The following RTP2 variants were observed in gnomAD, a reference collection of about 807,000 sequenced individuals.
RTP2 encodes receptor transporter protein 2, also known as receptor-transporting protein 2.
In RTP2, 12 loss-of-function variants were observed where a neutral mutation model predicts 17.9. The ratio of observed to expected loss-of-function variants is 0.67; its 90% confidence interval spans 0.43 to 1.09. The LOEUF is 1.09. Ranked by LOEUF, RTP2 falls within the 50% of genes least tolerant of loss-of-function variation. The probability of loss-of-function intolerance (pLI) is 0.00; values close to 1 mark genes in which losing one functional copy is unlikely to be tolerated. For synonymous variants in RTP2, 126 were observed against 117.7 expected, an observed-to-expected ratio of 1.07 and a Z score of -0.46; for missense variants, 327 against 295.7, an observed-to-expected ratio of 1.11 and a Z score of -0.78.
chr3:187,704,205 G>A (rs961344040), upstream of RTP2, among the ~76,000 whole-genome samples: 2 of 152,148 alleles, frequency 1.3e-5, no homozygotes, highest in Non-Finnish European at 2.9e-5. Context: ...AAACAAATCA[G>A]CAAGGGGGAG....
exon 2 of RTP2, chr3:187,698,868 C>G (rs757399958): frequency 3.7e-6 from 6 of 1,613,000 alleles, no homozygotes; most frequent in Non-Finnish European, 5.1e-6. Context: ...CTCGTCCAGC[C>G]GCGCCGTGCC....
At chr3:187,714,266 C>A in the RTP2 span, among the ~76,000 whole-genome samples, 105 of 152,300 alleles carry the variant, frequency 6.9e-4, no homozygotes, top group African/African-American at 2.5e-3. Context: ...AGGAATTGGC[C>A]TCTTTTGCCC....
At chr3:187,706,803 A>T (rs968861150), upstream of RTP2, among the ~76,000 whole-genome samples, 1 of 152,112 alleles carries the variant, frequency 6.6e-6, no homozygotes, top group African/African-American at 2.4e-5. Context: ...GGGTTTCACC[A>T]TGTTGGCCAG....
chr3:187,707,620 G>C, the RTP2 span, among the ~76,000 whole-genome samples: 3 of 152,202 alleles, frequency 2.0e-5, no homozygotes, highest in African/African-American at 7.2e-5. Flanking sequence ...AGGCCTGAAA[G>C]ATACATGGGA....
chr3:187,698,746 G>A (rs778642249), exon 2 of RTP2: 97 of 1,613,850 alleles, frequency 6.0e-5, no homozygotes, highest in Non-Finnish European at 7.9e-5. Context: ...CTGTCCGGGC[G>A]GCTGGCCACG....
upstream of RTP2, among the ~76,000 whole-genome samples, chr3:187,704,705 C>G (rs552822257): frequency 2.6e-5 from 4 of 152,152 alleles, no homozygotes; most frequent in African/African-American, 9.7e-5. Flanking sequence ...TGCTATAGGG[C>G]GAATCCAAGA....
chr3:187,711,185 C>G, the RTP2 span, among the ~76,000 whole-genome samples: 2 of 152,020 alleles, frequency 1.3e-5, no homozygotes, highest in East Asian at 3.9e-4. Flanking sequence ...GGGTGGTGTC[C>G]AGGGGTGTCT....
At chr3:187,705,274 G>A (rs1168275698), upstream of RTP2, among the ~76,000 whole-genome samples, 2 of 152,098 alleles carry the variant, frequency 1.3e-5, no homozygotes, top group Non-Finnish European at 2.9e-5. Context: ...GAGGCTGAGG[G>A]CCTTCATCAG....
the RTP2 span, among the ~76,000 whole-genome samples, chr3:187,714,594 G>A: frequency 2.0e-5 from 3 of 152,180 alleles, no homozygotes; most frequent in South Asian, 2.1e-4. Context: ...GCCACCTTGT[G>A]GCTATTTGCT....
the RTP2 span, among the ~76,000 whole-genome samples, chr3:187,710,222 G>A: frequency 3.3e-5 from 5 of 151,974 alleles, no homozygotes; most frequent in Non-Finnish European, 7.4e-5. Context: ...GACTCAGGCT[G>A]GAATCTACAA....
the RTP2 span, among the ~76,000 whole-genome samples, chr3:187,711,759 T>G: frequency 6.6e-6 from 1 of 152,206 alleles, no homozygotes; most frequent in Non-Finnish European, 1.5e-5. Flanking sequence ...TTTCCACATC[T>G]GTAAAGTAAG....
chr3:187,710,376 C>CATATATATATATAT, the RTP2 span, among the ~76,000 whole-genome samples: 3 of 142,966 alleles, frequency 2.1e-5, no homozygotes, highest in African/African-American at 7.7e-5. Flanking sequence ...CCTAAATATC[C>CATATATATATATAT]ATATATATAT....
the RTP2 span, chr3:187,715,573 A>G: frequency 4.4e-6 from 2 of 451,390 alleles, no homozygotes; most frequent in Non-Finnish European, 4.5e-6. Context: ...CCTAGTCCTT[A>G]TAGAATTTCT....
upstream of RTP2, among the ~76,000 whole-genome samples, chr3:187,706,009 G>A (rs1259953687): frequency 6.6e-6 from 1 of 152,166 alleles, no homozygotes; most frequent in Non-Finnish European, 1.5e-5. Flanking sequence ...CTCTGACATT[G>A]GAACCAGAAG....
upstream of RTP2, among the ~76,000 whole-genome samples, chr3:187,707,473 A>G (rs1156979497): frequency 2.0e-5 from 3 of 152,320 alleles, no homozygotes; most frequent in Non-Finnish European, 4.4e-5. Context: ...TTAAATAAAA[A>G]AAATGTTAAA....
At chr3:187,715,508 T>C in the RTP2 span, 9 of 338,506 alleles carry the variant, frequency 2.7e-5, no homozygotes, top group Non-Finnish European at 5.9e-6. Flanking sequence ...TAGGAAATCA[T>C]GGTAGTATTA....
the RTP2 span, chr3:187,715,624 T>A: frequency 2.2e-6 from 1 of 456,596 alleles, no homozygotes; most frequent in Non-Finnish European, 4.4e-6. Context: ...TATGATAGAG[T>A]TGGATTCGAT....
At chr3:187,712,694 G>A in the RTP2 span, among the ~76,000 whole-genome samples, 1 of 152,258 alleles carries the variant, frequency 6.6e-6, no homozygotes, top group African/African-American at 2.4e-5. Flanking sequence ...GAAAACTTGG[G>A]AACAATAGAT....
chr3:187,712,609 T>A, the RTP2 span, among the ~76,000 whole-genome samples: 9 of 152,164 alleles, frequency 5.9e-5, no homozygotes, highest in Non-Finnish European at 5.9e-5. Flanking sequence ...CCCTTTTGAA[T>A]TGTGAAAATA....
Sources: allele counts gnomAD v4.1 joint callset (sites outside exome capture counted in the v4.1 genomes callset), GRCh38; gene constraint gnomAD v4.1.1; transcripts MANE v1.5; gene names NCBI Gene and HGNC (gene_info 2026-07-23, HGNC 2026-07-21).